CCN3: variants seen among roughly 807,000 people sequenced by gnomAD.
CCN3 encodes the protein cellular communication network factor 3, also known as CCN family member 3.
A neutral mutation model predicts 33.4 loss-of-function variants in CCN3; 20 were observed. The ratio of observed to expected loss-of-function variants is 0.60; its 90% CI spans 0.42 to 0.87. The LOEUF (loss-of-function observed/expected upper bound fraction) is 0.87. Among genes scored for constraint, CCN3 ranks in the 40% least tolerant of loss-of-function variants. The pLI, the probability that CCN3 is intolerant of heterozygous loss-of-function variation, is 0.00. For missense variants in CCN3, 465 were observed against 455.3 expected (o/e 1.02, Z -0.19); for synonymous variants, 205 against 170.4 (o/e 1.20, Z -1.58).
rs142401154 is a variant in CCN3 at position 119,422,707 on chromosome 8, A to C, written c.778-129A>C. 29 of 780,376 alleles carry C rather than the reference A, an allele frequency of 3.7e-5. No individual in the cohort carries two copies. In the African/African-American group the frequency reaches 4.6e-4, roughly 13 times the overall value. 48.3% of individuals were successfully genotyped at this position (780,376 alleles called of 1,614,324 possible). A position where few individuals can be genotyped will look rare whatever the true frequency, so the allele number is the denominator to read the frequency against. On this transcript the variant is annotated intron_variant, in intron 4 of 4. Transcript: ENST00000259526. ...TGACTACATTGCTCAAGCAAAATTA[A>C]TGTTCTGATAGCAAAGAAGAAAGAC...
At chr8:119,417,287 C>T (rs1286084950) in intron 2 of CCN3, among the ~76,000 whole-genome samples, 1 of 152,168 alleles carries the variant, frequency 6.6e-6, no homozygotes, top group Non-Finnish European at 1.5e-5. Flanking sequence ...TCGGACACTT[C>T]TAGGGGGCCA....
In CCN3 at chr8:119,418,045, C is replaced by G; in HGVS notation, c.311-13C>G. On this transcript the variant is annotated splice_polypyrimidine_tract_variant and intron_variant, in intron 2 of 4. Transcript: ENST00000259526. ...TCCTCTTTGCTTTTCACTTTGCTTC[C>G]CCAATATTCTAGCGGTAGAGGGAGA... The G allele has an allele frequency of 6.2e-7, 1 of 1,603,880 alleles. No individual in the cohort carries two copies. The highest frequency in any genetic ancestry group is 8.5e-7 in the Non-Finnish European group (1 of 1,172,026).
At chr8:119,419,613 A>ATG (rs754146737) in intron 4 of CCN3, among the ~76,000 whole-genome samples, 37 of 152,374 alleles carry the variant, frequency 2.4e-4, no homozygotes, top group Non-Finnish European at 4.9e-4. Flanking sequence ...CCAATAGAGA[A>ATG]TGGTCTAGCA....
At position 119,416,744 on chromosome 8, in the gene CCN3, G is replaced by T; in HGVS notation, c.85G>T (p.Val29Phe). Residue 29 changes from valine to phenylalanine, a missense_variant and splice_region_variant, in exon 2 of 5, where the codon GTC becomes TTC. Coordinates refer to ENST00000259526, the MANE Select transcript of CCN3 (RefSeq NM_002514.4). ...TFLLLHLLGQ[V>F]AATQRCPPQC... ...TTCTCCTTGTCTCGCCTGCCTTCAG[G>T]TCGCTGCGACTCAGCGCTGCCCTCC... 2 of 1,583,668 alleles carry T rather than the reference G, an allele frequency of 1.3e-6. No individual in the cohort carries two copies. The highest frequency in any genetic ancestry group is 1.7e-6 in the Non-Finnish European group (2 of 1,164,384).
chr8:119,421,329 G>C (rs1820121665), intron 4 of CCN3, among the ~76,000 whole-genome samples: 1 of 152,078 alleles, frequency 6.6e-6, no homozygotes, highest in Non-Finnish European at 1.5e-5. Context: ...CTTAAAGGGT[G>C]GTCCCCAAAC....
rs1362205190 is a variant in CCN3, at chr8:119,416,865, G to A, written c.206G>A (p.Arg69His). ...TGCTCATGCTGTCTGGTGTGTGCCC[G>A]CCAGCGTGGCGAGAGCTGCTCAGAT... ...DGCSCCLVCA[R>H]QRGESCSDLE... Residue 69 changes from arginine (R) to histidine (H), a missense_variant, in exon 2 of 5, where the codon CGC (arginine) becomes CAC (histidine). Physicochemically the swap from Arg to His is conservative, Grantham distance 29. Transcript: ENST00000259526. 3 of 1,613,508 alleles carry A rather than the reference G, an allele frequency of 1.9e-6. No homozygotes were observed. Among genetic ancestry groups the A allele is most frequent in the Non-Finnish European group, 2.5e-6 (3 of 1,179,936 alleles).
Position 119,416,821 on chromosome 8 carries a change from G to C in CCN3, c.162G>C (p.Val54=), listed in dbSNP as rs1820057065. The C allele has an allele frequency of 3.7e-6, 6 of 1,609,640 alleles. No homozygotes were observed. In the African/African-American group the frequency reaches 4.0e-5, roughly 11 times the overall value. Residue 54 remains valine (V), a synonymous_variant, in exon 2 of 5, where the codon GTG becomes GTC. Transcript: ENST00000259526. ...PATPPTCAPG[V]RAVLDGCSCC... is the part of the protein sequence containing the mutation. ...CGCCGCCGACCTGCGCCCCCGGGGTGCGCGCGGTGCTGGACGGCTGCTCAT... is the reference window on the plus strand; with the variant it reads ...CGCCGCCGACCTGCGCCCCCGGGGTCCGCGCGGTGCTGGACGGCTGCTCAT...
In CCN3 at chr8:119,422,828, T is replaced by C. The variant is rs774763785; in HGVS notation, c.778-8T>C. 8 of 1,590,424 alleles carry C rather than the reference T, an allele frequency of 5.0e-6. No homozygotes were observed. The highest frequency in any genetic ancestry group is 6.9e-6 in the Non-Finnish European group (8 of 1,167,022). On this transcript the variant is annotated splice_polypyrimidine_tract_variant and splice_region_variant and intron_variant, in intron 4 of 4. Transcript: ENST00000259526. ...CATTCAATACATCACTTCTTTTTTC[T>C]TTCTTAGAAAGGAAAAAAGTGTCTC...
Position 119,418,073 on chromosome 8 carries a change from A to G in CCN3, c.326A>G (p.Asn109Ser), listed in dbSNP as rs1563616048. The G allele has an allele frequency of 1.2e-6, 2 of 1,613,436 alleles. No individual in the cohort carries two copies. Among genetic ancestry groups the G allele is most frequent in the Middle Eastern group, 1.7e-4 (1 of 6,054 alleles). Residue 109 changes from asparagine (N) to serine (S), a missense_variant, in exon 3 of 5, where the codon AAC becomes AGC. Asn to Ser is a conservative substitution (Grantham distance 46). Coordinates refer to ENST00000259526, the MANE Select transcript of CCN3 (RefSeq NM_002514.4). ...TGICTAVEGD[N>S]CVFDGVIYRS... is the part of the protein sequence containing the mutation. ...AATATTCTAGCGGTAGAGGGAGATAACTGTGTGTTCGATGGGGTCATCTAC... is the reference window on the plus strand; with the variant it reads ...AATATTCTAGCGGTAGAGGGAGATAGCTGTGTGTTCGATGGGGTCATCTAC...
rs16892531 is a variant in CCN3 at position 119,423,321 on chromosome 8, T to G, written c.*189T>G. On this transcript the variant is annotated 3_prime_UTR_variant, in exon 5 of 5. Transcript: ENST00000259526. ...CAAAAAATGTAATTAACTGTAAACT[T>G]GGAATCAAGGTAAGCTCAGGATATG... The G allele has an allele frequency of 0.031, 17,201 of 554,066 alleles. 562 individuals are homozygous for G. The highest frequency in any genetic ancestry group is 0.11 in the African/African-American group (5,710 of 53,672). 34.3% of individuals were successfully genotyped at this position (554,066 alleles called of 1,614,324 possible).
intron 4 of CCN3, among the ~76,000 whole-genome samples, chr8:119,422,364 G>C (rs1173431854): frequency 1.3e-5 from 2 of 151,996 alleles, no homozygotes; most frequent in Non-Finnish European, 2.9e-5. Flanking sequence ...AAGAGATTTG[G>C]GTATGAACAC....
Position 119,416,800 on chromosome 8 carries a change from G to A in CCN3, c.141G>A (p.Pro47=). The A allele has an allele frequency of 3.7e-6, 6 of 1,602,450 alleles. No individual in the cohort carries two copies. The highest frequency in any genetic ancestry group is 5.1e-6 in the Non-Finnish European group (6 of 1,174,836). Residue 47 remains proline, a synonymous_variant, in exon 2 of 5, where the codon CCG becomes CCA. Coordinates refer to ENST00000259526, the MANE Select transcript of CCN3 (RefSeq NM_002514.4). ...GCCCGGGCCGGTGCCCTGCGACGCCGCCGACCTGCGCCCCCGGGGTGCGCG... is the reference window on the plus strand; with the variant it reads ...GCCCGGGCCGGTGCCCTGCGACGCCACCGACCTGCGCCCCCGGGGTGCGCG... ...PQCPGRCPAT[P]PTCAPGVRAV...
At chr8:119,420,094 A>T (rs1242168598) in intron 4 of CCN3, 11 of 152,182 alleles carry the variant, frequency 7.2e-5, no homozygotes. Flanking sequence ...ATGGATCCTT[A>T]TACAAACCTA....
chr8:119,418,582 G>A (rs1412099897), intron 3 of CCN3, among the ~76,000 whole-genome samples: 2 of 152,188 alleles, frequency 1.3e-5, no homozygotes, highest in African/African-American at 4.8e-5. Flanking sequence ...CTTATTGGAT[G>A]ACTACTACTT....
chr8:119,418,326 A>AC lies in CCN3; in HGVS notation c.562+19dup, dbSNP rs1820081178. The AC allele has an allele frequency of 6.2e-7, 1 of 1,612,746 alleles. No individual in the cohort carries two copies. Among genetic ancestry groups the AC allele is most frequent in the Non-Finnish European group, 8.5e-7 (1 of 1,179,294 alleles). ...CCCTTGCAGGTGAGAAACTCAATAT[A>AC]CCTAGGGCTGGTCATAGTAGAGGGT... On this transcript the variant is annotated intron_variant, in intron 3 of 4. Coordinates refer to ENST00000259526, the MANE Select transcript of CCN3 (RefSeq NM_002514.4).
At position 119,423,198 on chromosome 8, in the gene CCN3, T is replaced by C; in HGVS notation, c.*66T>C. The C allele has an allele frequency of 7.0e-7, 1 of 1,435,770 alleles. No homozygotes were observed. Among genetic ancestry groups the C allele is most frequent in the Non-Finnish European group, 9.5e-7 (1 of 1,049,616 alleles). 88.9% of individuals were successfully genotyped at this position (1,435,770 alleles called of 1,614,324 possible). On this transcript the variant is annotated 3_prime_UTR_variant, in exon 5 of 5. Coordinates refer to ENST00000259526, the MANE Select transcript of CCN3 (RefSeq NM_002514.4). Reference sequence around the variant, plus strand: ...GCTGCGCCACCCACCATCAAAGGAATATAAGAAAAGTAATGAAGAATCACG... The same window carrying C: ...GCTGCGCCACCCACCATCAAAGGAACATAAGAAAAGTAATGAAGAATCACG...
rs1352559711 is a variant in CCN3 at position 119,417,070 on chromosome 8, A to AAAC, written c.310+103_310+104insCAA. On this transcript the variant is annotated intron_variant, in intron 2 of 4. Coordinates refer to ENST00000259526, the MANE Select transcript of CCN3 (RefSeq NM_002514.4). ...TTCCCCTTCCCAGAGGGCGATAAGC[A>AAAC]AATAATAATAATGCAATAAATGACA... 6 of 927,566 alleles carry AAAC rather than the reference A, an allele frequency of 6.5e-6. No homozygotes were observed. The African/African-American group carries it at 1.0e-4, about 15-fold the overall frequency. 57.5% of individuals were successfully genotyped at this position (927,566 alleles called of 1,614,324 possible).
At position 119,416,516 on chromosome 8, in the gene CCN3, G is replaced by A; in HGVS notation, c.-17G>A. On this transcript the variant is annotated 5_prime_UTR_variant, in exon 1 of 5. Coordinates refer to ENST00000259526, the MANE Select transcript of CCN3 (RefSeq NM_002514.4). Reference sequence around the variant, plus strand: ...AGAAAGTCTCGTTTGGTAAAAGCGAGAGGGGAAAGCCTGAGCATGCAGAGT... The same window carrying A: ...AGAAAGTCTCGTTTGGTAAAAGCGAAAGGGGAAAGCCTGAGCATGCAGAGT... 6.2e-7 allele frequency: 1 copy of A among 1,612,904 alleles called. No homozygotes were observed. Among genetic ancestry groups the A allele is most frequent in the Non-Finnish European group, 8.5e-7 (1 of 1,179,406 alleles).
chr8:119,417,058 A>C, intron 2 of CCN3, 89 bp downstream of exon 2: 1 of 1,034,618 alleles, frequency 9.7e-7, no homozygotes, highest in Non-Finnish European at 1.4e-6. Context: ...CCCTTCCCAG[A>C]GGGCGATAAG....
Sources: gnomAD v4.1 joint callset for allele counts (sites outside exome capture counted in the v4.1 genomes callset) on GRCh38, gnomAD v4.1.1 for gene constraint, MANE v1.5 for transcripts, NCBI Gene and HGNC (gene_info 2026-07-23, HGNC 2026-07-21) for gene names.